The following TASP1 variants were observed in gnomAD, a reference collection of about 807,000 sequenced individuals.
TASP1 encodes taspase 1.
Under a neutral mutation model 56.6 loss-of-function variants are expected in TASP1, and 16 were observed. That is an observed-to-expected ratio of 0.28 (90% CI 0.19 to 0.43). The LOEUF (loss-of-function observed/expected upper bound fraction) is 0.43. Among genes scored for constraint, TASP1 ranks in the 20% least tolerant of loss-of-function variants. TASP1 has a pLI of 1.00. For synonymous variants in TASP1, 179 were observed against 184.2 expected (o/e 0.97, Z 0.23); for missense variants, 393 against 511.6 (o/e 0.77, Z 2.24).
chr20:13,322,500 C>A, the TASP1 span, among the ~76,000 whole-genome samples: 3 of 152,132 alleles, frequency 2.0e-5, no homozygotes, highest in South Asian at 2.1e-4. Context: ...CTGGACCAGA[C>A]GAGGTCCATA....
intron 11 of TASP1, among the ~76,000 whole-genome samples, chr20:13,437,343 T>C (rs1306320324): frequency 3.3e-5 from 5 of 152,284 alleles, no homozygotes; most frequent in African/African-American, 4.8e-5. Flanking sequence ...AAATTAGGTA[T>C]TGATGGGACG....
intron 10 of TASP1, among the ~76,000 whole-genome samples, chr20:13,488,557 G>A (rs2043410133): frequency 6.6e-6 from 1 of 152,048 alleles, no homozygotes; most frequent in Admixed American, 6.6e-5. Context: ...TTAACTCCCA[G>A]CTCACTTTTA....
intron 4 of TASP1, among the ~76,000 whole-genome samples, chr20:13,589,866 T>C (rs1347616813): frequency 6.6e-6 from 1 of 152,192 alleles, no homozygotes; most frequent in African/African-American, 2.4e-5. Context: ...GTTCATGCCA[T>C]TGTACTCTAG....
chr20:13,247,420 C>T, the TASP1 span, among the ~76,000 whole-genome samples: 1 of 151,992 alleles, frequency 6.6e-6, no homozygotes, highest in African/African-American at 2.4e-5. Flanking sequence ...TTATCAGTGG[C>T]TTGCAGCCTG....
chr20:13,317,252 A>T, the TASP1 span, among the ~76,000 whole-genome samples: 1 of 151,868 alleles, frequency 6.6e-6, no homozygotes. Context: ...ACACCAAAAA[A>T]ACAAAACAAA....
chr20:13,128,947 G>T, the TASP1 span, among the ~76,000 whole-genome samples: 1 of 149,142 alleles, frequency 6.7e-6, no homozygotes, highest in East Asian at 2.0e-4. Flanking sequence ...TGCGATCTCA[G>T]CTCACTGCAA....
chr20:13,498,812 AAG>A (rs2043835596), intron 10 of TASP1, among the ~76,000 whole-genome samples: 1 of 133,938 alleles, frequency 7.5e-6, no homozygotes, highest in Non-Finnish European at 1.6e-5. Context: ...AAAAAAAAAA[AAG>A]GTGTTGGCAA....
chr20:13,407,927 T>C (rs890477044), intron 13 of TASP1, among the ~76,000 whole-genome samples: 2 of 152,196 alleles, frequency 1.3e-5, no homozygotes, highest in Non-Finnish European at 2.9e-5. Flanking sequence ...GCCTTCTTAT[T>C]GTTCAGTTGT....
chr20:13,127,829 C>T, the TASP1 span, among the ~76,000 whole-genome samples: 1 of 152,148 alleles, frequency 6.6e-6, no homozygotes, highest in South Asian at 2.1e-4. Flanking sequence ...TCTAGGATCC[C>T]TTCCAGGCTT....
At chr20:13,447,235 TACATGAAAAATAGTAGTATC>T (rs2043444689) in intron 11 of TASP1, among the ~76,000 whole-genome samples, 1 of 152,184 alleles carries the variant, frequency 6.6e-6, no homozygotes, top group South Asian at 2.1e-4. Context: ...ACTAATCTGA[TACATGAAAAATAGTAGTATC>T]ACACTACTGT....
intron 10 of TASP1, 145 bp from the exon 11 acceptor site, chr20:13,483,482 G>A (rs574826570): frequency 4.2e-6 from 2 of 481,702 alleles, no homozygotes; most frequent in Non-Finnish European, 7.3e-6. Context: ...TGACTTCCAT[G>A]AGCAATCTGG....
At chr20:13,591,808 G>T (rs1296193831) in intron 4 of TASP1, among the ~76,000 whole-genome samples, 1 of 152,120 alleles carries the variant, frequency 6.6e-6, no homozygotes, top group East Asian at 1.9e-4. Flanking sequence ...CACAAAGATT[G>T]TGAGGAATGA....
At position 13,572,391 on chromosome 20, in the gene TASP1, T is replaced by C. The variant is rs964861015; in HGVS notation, c.489-2805A>G. 5.3e-5 allele frequency among the ~76,000 whole-genome samples: 8 copies of C among 152,172 alleles called. No individual in the cohort carries two copies. The South Asian group carries it at 1.5e-3, about 28-fold the overall frequency. ...TGAAACCACCACGGAGGTGAGGTAA[T>C]TAAAACTCTCAGCTGGACGCAGTGG... On this transcript the variant is annotated intron_variant, in intron 6 of 13. Transcript: ENST00000337743.
rs140381672 is a variant in TASP1, at chr20:13,524,722, G to A, written c.874+3711C>T. Among the ~76,000 whole-genome samples, 35 of 152,246 alleles carry A rather than the reference G, an allele frequency of 2.3e-4. No individual in the cohort carries two copies. In the East Asian group the frequency reaches 2.7e-3, roughly 12 times the overall value. ...TTTTTAAACTTCTGGATTCAGGTGT[G>A]TTATAACTGATGCATCCTCCCATGT... On this transcript the variant is annotated intron_variant, in intron 10 of 13. Coordinates refer to ENST00000337743, the MANE Select transcript of TASP1 (RefSeq NM_017714.3).
intron 9 of TASP1, among the ~76,000 whole-genome samples, chr20:13,531,604 C>T (rs1484930295): frequency 1.3e-5 from 2 of 151,716 alleles, no homozygotes; most frequent in African/African-American, 4.8e-5. Context: ...AATTCTCCTG[C>T]CTCAGTCTCC....
At chr20:13,589,527 C>T (rs1322302533) in intron 4 of TASP1, among the ~76,000 whole-genome samples, 1 of 152,030 alleles carries the variant, frequency 6.6e-6, no homozygotes, top group South Asian at 2.1e-4. Context: ...AACATAACAA[C>T]AAATGTTCAT....
intron 8 of TASP1, among the ~76,000 whole-genome samples, chr20:13,539,585 A>G (rs1302966006): frequency 6.6e-6 from 1 of 152,238 alleles, no homozygotes; most frequent in African/African-American, 2.4e-5. Flanking sequence ...AAATCTTTAT[A>G]CTATTTATTT....
the TASP1 span, among the ~76,000 whole-genome samples, chr20:13,178,182 C>T: frequency 3.3e-5 from 5 of 151,820 alleles, no homozygotes; most frequent in Non-Finnish European, 7.4e-5. Flanking sequence ...ATCAGGGAAA[C>T]GCAAATAAAA....
chr20:13,164,942 G>A, the TASP1 span: 3 of 1,262,938 alleles, frequency 2.4e-6, no homozygotes, highest in Non-Finnish European at 3.3e-6. Flanking sequence ...GAATATAAAT[G>A]GATTTCTCCC....
Sources: allele counts gnomAD v4.1 joint callset (sites outside exome capture counted in the v4.1 genomes callset), GRCh38; gene constraint gnomAD v4.1.1; transcripts MANE v1.5; gene names NCBI Gene and HGNC (gene_info 2026-07-23, HGNC 2026-07-21).